TRPS1: variants seen among roughly 807,000 people sequenced by gnomAD.
TRPS1 encodes the protein transcriptional repressor GATA binding 1.
TRPS1 carries 6 observed loss-of-function variants against 101.2 expected under a neutral mutation model. The ratio of observed to expected loss-of-function variants is 0.06; its 90% CI spans 0.03 to 0.12. The LOEUF (loss-of-function observed/expected upper bound fraction) is 0.12. Ranked by LOEUF, TRPS1 falls within the 10% of genes least tolerant of loss-of-function variation. The pLI is 1.00. For synonymous variants in TRPS1, 578 were observed against 589.8 expected, an observed-to-expected ratio of 0.98 and a Z score of 0.29; for missense variants, 1,363 against 1,567.0, an observed-to-expected ratio of 0.87 and a Z score of 2.20.
chr8:115,502,882 C>G (rs578037374), intron 5 of TRPS1, among the ~76,000 whole-genome samples: 2 of 152,126 alleles, frequency 1.3e-5, no homozygotes, highest in East Asian at 3.9e-4. Context: ...ATACAAAGAC[C>G]CAGAAAGAGT....
intron 5 of TRPS1, among the ~76,000 whole-genome samples, chr8:115,537,965 A>G (rs570831256): frequency 2.4e-4 from 36 of 152,354 alleles, no homozygotes; most frequent in African/African-American, 8.4e-4. Flanking sequence ...TGTAAACTGC[A>G]GGGAGTGCTT....
intron 1 of TRPS1, among the ~76,000 whole-genome samples, chr8:115,651,976 C>T (rs1348711057): frequency 3.9e-5 from 6 of 152,080 alleles, no homozygotes; most frequent in South Asian, 2.1e-4. Context: ...AGGCTGAAGG[C>T]CACTGATATG....
chr8:115,512,841 C>A (rs1815618605), intron 5 of TRPS1, among the ~76,000 whole-genome samples: 1 of 151,568 alleles, frequency 6.6e-6, no homozygotes, highest in Non-Finnish European at 1.5e-5. Context: ...GCAGAAAAGA[C>A]ATATCAATAT....
At chr8:115,501,518 AATATCTTCTACACCC>A (rs1815320053) in intron 5 of TRPS1, among the ~76,000 whole-genome samples, 1 of 152,216 alleles carries the variant, frequency 6.6e-6, no homozygotes, top group African/African-American at 2.4e-5. Context: ...TTCATACAAA[AATATCTTCTACACCC>A]ATATTTTCAC....
chr8:115,586,566 C>T (rs900031897), intron 5 of TRPS1, among the ~76,000 whole-genome samples: 34 of 152,186 alleles, frequency 2.2e-4, no homozygotes, highest in African/African-American at 8.2e-4. Flanking sequence ...TCATCAAGGA[C>T]ATTACATTCT....
intron 1 of TRPS1, among the ~76,000 whole-genome samples, chr8:115,645,244 C>G (rs191111511): frequency 7.2e-4 from 110 of 152,162 alleles, no homozygotes; most frequent in Admixed American, 3.9e-3. Context: ...CACATACACA[C>G]TATTAGCTTG....
intron 5 of TRPS1, among the ~76,000 whole-genome samples, chr8:115,470,297 T>G (rs1314138656): frequency 6.6e-6 from 1 of 152,218 alleles, no homozygotes; most frequent in Non-Finnish European, 1.5e-5. Flanking sequence ...ACAATCAAAA[T>G]AATTCTATGC....
At chr8:115,645,088 C>T (rs1254055015) in intron 1 of TRPS1, among the ~76,000 whole-genome samples, 1 of 152,056 alleles carries the variant, frequency 6.6e-6, no homozygotes, top group African/African-American at 2.4e-5. Context: ...AAGGTAAACA[C>T]ATATTTTTGA....
chr8:115,441,620 GT>G (rs1381352885), intron 5 of TRPS1, among the ~76,000 whole-genome samples: 1 of 151,970 alleles, frequency 6.6e-6, no homozygotes, highest in Non-Finnish European at 1.5e-5. Flanking sequence ...ATCATGCTTA[GT>G]TTAGGTGTTC....
chr8:115,572,769 G>C (rs951582225), intron 5 of TRPS1, among the ~76,000 whole-genome samples: 1 of 152,112 alleles, frequency 6.6e-6, no homozygotes, highest in South Asian at 2.1e-4. Context: ...AACTTGGTAA[G>C]TACAAAACCA....
At chr8:115,451,288 C>T (rs931779980) in intron 5 of TRPS1, among the ~76,000 whole-genome samples, 1 of 152,082 alleles carries the variant, frequency 6.6e-6, no homozygotes, top group African/African-American at 2.4e-5. Flanking sequence ...TTCTTATTCA[C>T]TACTCATTCC....
At chr8:115,661,219 A>G (rs1388013408) in intron 1 of TRPS1, among the ~76,000 whole-genome samples, 2 of 152,010 alleles carry the variant, frequency 1.3e-5, no homozygotes, top group African/African-American at 4.8e-5. Flanking sequence ...TATAAGTATT[A>G]TGATAACAAT....
Position 115,619,892 on chromosome 8 carries a change from T to A in TRPS1, c.206A>T (p.His69Leu). 6.2e-7 allele frequency: 1 copy of A among 1,614,226 alleles called. No homozygotes were observed. The highest frequency in any genetic ancestry group is 1.1e-5 in the South Asian group (1 of 91,090). The change falls in exon 3 of 7, where the codon CAT becomes CTT. Residue 69 changes from histidine (H) to leucine (L), a missense_variant. His to Leu is a moderately conservative substitution (Grantham distance 99). Around this residue, in one of 5 missense-constraint regions of TRPS1, gnomAD observed 1,020 missense variants for 1,073.0 expected, o/e 0.95. Transcript: ENST00000395715. ...AACATGCAAGCTATGTTCCTCCTTA[T>A]GATTTAGTTCTGCAGCATCACTCTG... ...TDQSDAAELN[H>L]KEEHSLHVQD...
intron 5 of TRPS1, among the ~76,000 whole-genome samples, chr8:115,419,375 AAAAAAAAAAG>A (rs1186102273): frequency 6.6e-6 from 1 of 150,612 alleles, no homozygotes; most frequent in Non-Finnish European, 1.5e-5. Context: ...CTCTTGCTGA[AAAAAAAAAAG>A]AAAAAAAAAG....
chr8:115,521,380 GA>G (rs898539831), intron 5 of TRPS1, among the ~76,000 whole-genome samples: 2 of 150,350 alleles, frequency 1.3e-5, no homozygotes, highest in Admixed American at 6.6e-5. Flanking sequence ...TCATACACAG[GA>G]AAAAAAAAGA....
At chr8:115,453,814 G>A (rs559827572) in intron 5 of TRPS1, among the ~76,000 whole-genome samples, 154 of 152,326 alleles carry the variant, frequency 1.0e-3, no homozygotes, top group Middle Eastern at 3.4e-3. Context: ...ACAAATTGCT[G>A]TTGACACAGA....
rs543573968 is a variant in TRPS1 at position 115,568,727 on chromosome 8, T to A, written c.2700+18274A>T. Among the ~76,000 whole-genome samples, 3 of 152,266 alleles carry A rather than the reference T, an allele frequency of 2.0e-5. No individual in the cohort carries two copies. The East Asian group carries it at 5.8e-4, about 29-fold the overall frequency. On this transcript the variant is annotated intron_variant, in intron 5 of 6. Transcript: ENST00000395715. ...TCTCTAAACTTATATAGAAATTTAA[T>A]GATTACATAACTTCAACCATATCAG...
intron 5 of TRPS1, among the ~76,000 whole-genome samples, chr8:115,531,090 A>T (rs546427439): frequency 1.5e-4 from 23 of 152,238 alleles, no homozygotes; most frequent in South Asian, 1.0e-3. Context: ...AATAAAATTT[A>T]AAAAAAGAGT....
chr8:115,460,379 C>A (rs1211021795), intron 5 of TRPS1, among the ~76,000 whole-genome samples: 2 of 151,932 alleles, frequency 1.3e-5, no homozygotes, highest in Non-Finnish European at 2.9e-5. Flanking sequence ...GCCCATATAT[C>A]AGATTAAGAT....
Sources: gnomAD v4.1 joint callset for allele counts (sites outside exome capture counted in the v4.1 genomes callset) on GRCh38, gnomAD v4.1.1 for gene constraint, gnomAD v4.1.1 regional missense constraint, MANE v1.5 for transcripts, NCBI Gene and HGNC (gene_info 2026-07-23, HGNC 2026-07-21) for gene names.